GPC3: variants seen among roughly 807,000 people sequenced by gnomAD.
GPC3 encodes glypican 3, also known as glypican-3.
Under a neutral mutation model 34.4 loss-of-function variants are expected in GPC3, and 3 were observed. The observed-to-expected ratio is 0.09, with a 90% CI of 0.04 to 0.23. The LOEUF is 0.23. Ranked by LOEUF, GPC3 falls within the 10% of genes least tolerant of loss-of-function variation. The pLI, the probability that GPC3 is intolerant of heterozygous loss-of-function variation, is 1.00. For synonymous variants in GPC3, 177 were observed against 174.0 expected (o/e 1.02, Z -0.13); for missense variants, 351 against 445.6 (o/e 0.79, Z 1.91).
chrX:133,585,505 TG>T (rs2069779852), intron 7 of GPC3, among the ~76,000 whole-genome samples: 1 of 111,719 alleles, frequency 9.0e-6, no homozygotes, highest in African/African-American at 3.2e-5. Context: ...ATGGAAACTT[TG>T]GACAACAGCA....
intron 2 of GPC3, among the ~76,000 whole-genome samples, chrX:133,909,206 C>T (rs993455374): frequency 8.9e-6 from 1 of 112,457 alleles, no homozygotes; most frequent in Admixed American, 9.5e-5. Flanking sequence ...TCACTAAAAA[C>T]ATTTTCTTCC....
At chrX:133,979,172 T>G (rs1226288219) in intron 1 of GPC3, among the ~76,000 whole-genome samples, 1 of 112,034 alleles carries the variant, frequency 8.9e-6, no homozygotes, top group Non-Finnish European at 1.9e-5. Flanking sequence ...TCCTATCAAT[T>G]ATTTATCAAC....
intron 6 of GPC3, among the ~76,000 whole-genome samples, chrX:133,656,188 C>T (rs1003807938): frequency 5.3e-5 from 6 of 112,466 alleles, no homozygotes; most frequent in Non-Finnish European, 9.4e-5. Flanking sequence ...ATTTTGTAAA[C>T]AATGTGCTTA....
intron 1 of GPC3, among the ~76,000 whole-genome samples, chrX:133,977,380 A>G (rs1461513980): frequency 8.9e-6 from 1 of 112,566 alleles, no homozygotes; most frequent in Non-Finnish European, 1.9e-5. Context: ...CAATTGGGAC[A>G]TCCTTCTGTA....
chrX:133,593,045 C>T (rs1225756056), intron 7 of GPC3, among the ~76,000 whole-genome samples: 2 of 111,160 alleles, frequency 1.8e-5, no homozygotes, highest in Non-Finnish European at 3.8e-5. Flanking sequence ...AATGGGCAGG[C>T]CGGGCACTGG....
At chrX:133,894,074 C>A (rs981037635) in intron 2 of GPC3, among the ~76,000 whole-genome samples, 1 of 111,563 alleles carries the variant, frequency 9.0e-6, no homozygotes, top group Non-Finnish European at 1.9e-5. Context: ...AACTCCTGAA[C>A]TCAAGTGGTG....
intron 2 of GPC3, among the ~76,000 whole-genome samples, chrX:133,770,999 A>C: frequency 9.0e-6 from 1 of 111,601 alleles, no homozygotes; most frequent in Non-Finnish European, 1.9e-5. Flanking sequence ...ACAGATGGAC[A>C]AGGGACAGTA....
At chrX:133,749,887 C>A (rs745460151) in intron 3 of GPC3, among the ~76,000 whole-genome samples, 24 of 111,362 alleles carry the variant, frequency 2.2e-4, no homozygotes, top group Non-Finnish European at 4.5e-4. Context: ...GCAGCTCCGA[C>A]TCCCCCTCGC....
At chrX:133,589,365 A>G (rs766379999) in intron 7 of GPC3, among the ~76,000 whole-genome samples, 2 of 110,564 alleles carry the variant, frequency 1.8e-5, no homozygotes, top group East Asian at 5.7e-4. Flanking sequence ...TGATGGTTTT[A>G]TTTATGTATT....
At chrX:133,720,697 A>G (rs2071356256) in intron 3 of GPC3, among the ~76,000 whole-genome samples, 2 of 112,164 alleles carry the variant, frequency 1.8e-5, no homozygotes, top group South Asian at 7.4e-4. Context: ...ACCATGGAAT[A>G]CTATTCAGCC....
intron 7 of GPC3, among the ~76,000 whole-genome samples, chrX:133,550,899 A>G (rs2069427632): frequency 8.9e-6 from 1 of 112,213 alleles, no homozygotes; most frequent in South Asian, 3.8e-4. Context: ...GCATCAGTTT[A>G]CCACACTCAG....
intron 2 of GPC3, among the ~76,000 whole-genome samples, chrX:133,930,620 G>C (rs1339507329): frequency 8.9e-6 from 1 of 112,299 alleles, no homozygotes; most frequent in East Asian, 2.8e-4. Flanking sequence ...TTAATGTGGA[G>C]TTTTACAAAT....
intron 6 of GPC3, among the ~76,000 whole-genome samples, chrX:133,632,351 C>T (rs2070376065): frequency 1.8e-5 from 2 of 111,448 alleles, no homozygotes; most frequent in Admixed American, 9.6e-5. Context: ...CCTTCTGCCT[C>T]GGTCTCCCAA....
intron 7 of GPC3, among the ~76,000 whole-genome samples, chrX:133,540,598 C>T (rs1410252166): frequency 9.0e-6 from 1 of 111,438 alleles, no homozygotes; most frequent in Non-Finnish European, 1.9e-5. Context: ...ATATTGGGTA[C>T]AGTGTATACT....
At position 133,814,618 on chromosome X, in the gene GPC3, A is replaced by G. The variant is rs138252048; in HGVS notation, c.338-60442T>C. Among the ~76,000 whole-genome samples, 144 of 110,766 alleles carry G rather than the reference A, an allele frequency of 1.3e-3. 1 individual carries two copies. The East Asian group carries it at 0.037, about 28-fold the overall frequency. On this transcript the variant is annotated intron_variant, in intron 2 of 7. Coordinates refer to ENST00000370818, the MANE Select transcript of GPC3 (RefSeq NM_004484.4). ...AGTCTCACTCTATTGCCCAGGCTGGAGTGCAATGGCGTGATCTCGGCTCAC... is the reference window on the plus strand; with the variant it reads ...AGTCTCACTCTATTGCCCAGGCTGGGGTGCAATGGCGTGATCTCGGCTCAC...
At chrX:133,584,239 T>G (rs1172278537) in intron 7 of GPC3, among the ~76,000 whole-genome samples, 2 of 112,111 alleles carry the variant, frequency 1.8e-5, no homozygotes, top group Non-Finnish European at 3.8e-5. Flanking sequence ...TAACTGAATA[T>G]TTACTAAATA....
At chrX:133,885,177 G>A (rs1027207965) in intron 2 of GPC3, among the ~76,000 whole-genome samples, 1 of 111,567 alleles carries the variant, frequency 9.0e-6, no homozygotes, top group Non-Finnish European at 1.9e-5. Context: ...GCTACTTTCT[G>A]GTAATTTTCG....
intron 6 of GPC3, among the ~76,000 whole-genome samples, chrX:133,602,223 G>A (rs2069990160): frequency 9.0e-6 from 1 of 111,695 alleles, no homozygotes; most frequent in African/African-American, 3.3e-5. Context: ...AAAAAGTTGA[G>A]CCCATAGAAG....
At chrX:133,697,570 T>C (rs1218688347) in intron 4 of GPC3, among the ~76,000 whole-genome samples, 1 of 111,813 alleles carries the variant, frequency 8.9e-6, no homozygotes, top group Admixed American at 9.5e-5. Flanking sequence ...CTTTTGCACC[T>C]AGCTCTGATT....
Sources: gnomAD v4.1 joint callset for allele counts (sites outside exome capture counted in the v4.1 genomes callset) on GRCh38, gnomAD v4.1.1 for gene constraint, MANE v1.5 for transcripts, NCBI Gene and HGNC (gene_info 2026-07-23, HGNC 2026-07-21) for gene names.